Variants in GPC1 observed in about 807,000 individuals in gnomAD.
GPC1 encodes glypican-1.
A neutral mutation model predicts 51.5 loss-of-function variants in GPC1; 26 were observed. The observed-to-expected ratio is 0.50, with a 90% confidence interval of 0.37 to 0.70. The LOEUF (loss-of-function observed/expected upper bound fraction) is 0.70, where lower values mean the gene tolerates loss of function less well. Ranked by LOEUF, GPC1 falls within the 30% of genes least tolerant of loss-of-function variation. GPC1 has a pLI of 0.00. For synonymous variants in GPC1, 380 were observed against 348.3 expected, an observed-to-expected ratio of 1.09 and a Z score of -1.01; for missense variants, 775 against 800.5, an observed-to-expected ratio of 0.97 and a Z score of 0.38.
intron 1 of GPC1, chr2:240,451,569 T>G: frequency 3.6e-6 from 1 of 274,798 alleles, no homozygotes; most frequent in Non-Finnish European, 7.1e-6. Flanking sequence ...GAGCCAGGCC[T>G]GGGGGCACGG....
chr2:240,453,837 C>T (rs1260512235), intron 1 of GPC1, among the ~76,000 whole-genome samples: 2 of 151,948 alleles, frequency 1.3e-5, no homozygotes, highest in African/African-American at 2.4e-5. Flanking sequence ...ACGCTGCCGC[C>T]GGTGCCGCCG....
At chr2:240,436,184 T>G in intron 1 of GPC1, 100 bp downstream of exon 1, 1 of 806,698 alleles carries the variant, frequency 1.2e-6, no homozygotes, top group Non-Finnish European at 1.7e-6. Context: ...CGCGGGATCC[T>G]GCCGCCTGCG....
rs4553824 is a variant in GPC1, at chr2:240,438,243, A to T, written c.166+2159A>T. Among the ~76,000 whole-genome samples the T allele has an allele frequency of 2.0e-5, 3 of 151,986 alleles. No homozygotes were observed. In the East Asian group the frequency reaches 5.8e-4, roughly 29 times the overall value. The stretch of plus-strand genomic sequence containing the variant: ...TCCAGTCGGTGCCCCTCCGACAGGA[A>T]CCTCTCTCCCTGCACCCCCTATGGC... On this transcript the variant is annotated intron_variant, in intron 1 of 8. Transcript: ENST00000264039.
chr2:240,440,580 C>A (rs1357898221), intron 1 of GPC1, among the ~76,000 whole-genome samples: 5 of 147,990 alleles, frequency 3.4e-5, no homozygotes, highest in African/African-American at 1.2e-4. Flanking sequence ...CTCCTCCTGG[C>A]CTCCCTGCCT....
intron 1 of GPC1, among the ~76,000 whole-genome samples, chr2:240,445,573 C>A (rs1179371640): frequency 6.6e-6 from 1 of 152,138 alleles, no homozygotes; most frequent in Admixed American, 6.5e-5. Context: ...ACTGTGGTGG[C>A]CAAACACCAG....
rs2074235465 is a variant in GPC1, at chr2:240,463,564, CTG to C, written c.883+53_883+54del. 7 of 1,482,896 alleles carry C rather than the reference CTG, an allele frequency of 4.7e-6. No individual in the cohort carries two copies. The African/African-American group carries it at 8.3e-5, about 18-fold the overall frequency. 91.9% of individuals were successfully genotyped at this position (1,482,896 alleles called of 1,614,324 possible). On this transcript the variant is annotated intron_variant, in intron 4 of 8. Transcript: ENST00000264039. ...TGGAACTGTCTTGGGGAGTGCACGA[CTG>C]GGGGTCCTGGGGGGCGGGTGGTCCC...
intron 1 of GPC1, among the ~76,000 whole-genome samples, chr2:240,437,863 C>T (rs1274510889): frequency 6.6e-6 from 1 of 152,220 alleles, no homozygotes; most frequent in Non-Finnish European, 1.5e-5. Flanking sequence ...CATCCACAGG[C>T]CACTGTTGCC....
At chr2:240,437,776 A>G (rs1440336419) in intron 1 of GPC1, among the ~76,000 whole-genome samples, 1 of 152,004 alleles carries the variant, frequency 6.6e-6, no homozygotes, top group Non-Finnish European at 1.5e-5. Context: ...TTTGGAAACC[A>G]TTAGCCCCCA....
intron 1 of GPC1, among the ~76,000 whole-genome samples, chr2:240,446,463 CA>C (rs2074051440): frequency 6.6e-6 from 1 of 152,204 alleles, no homozygotes; most frequent in Non-Finnish European, 1.5e-5. Flanking sequence ...GTGTGAGTTA[CA>C]AGTAAAGGGG....
Position 240,459,249 on chromosome 2 carries a change from CA to C in GPC1, c.325+62del. 3 of 1,487,000 alleles carry C rather than the reference CA, an allele frequency of 2.0e-6. No individual in the cohort carries two copies. In the South Asian group the frequency reaches 3.6e-5, roughly 18 times the overall value. 92.1% of individuals were successfully genotyped at this position (1,487,000 alleles called of 1,614,324 possible). A position where few individuals can be genotyped will look rare whatever the true frequency, so the allele number is the denominator to read the frequency against. ...GTGCCGGTGCATCGGGGGAGGGGCA[CA>C]CTGGGCCTTGCCTGGTGTGTCAATG... On this transcript the variant is annotated intron_variant, in intron 2 of 8. Transcript: ENST00000264039.
chr2:240,458,107 A>G (rs2074185185), intron 1 of GPC1: 1 of 467,650 alleles, frequency 2.1e-6, no homozygotes, highest in Admixed American at 2.4e-5. Context: ...CTGGGACGAG[A>G]CCTCATCCCT....
intron 1 of GPC1, among the ~76,000 whole-genome samples, chr2:240,440,272 C>A (rs1232682759): frequency 1.3e-5 from 2 of 152,238 alleles, no homozygotes; most frequent in East Asian, 3.9e-4. Context: ...GCTTGTGGAG[C>A]GTTTCCCATG....
rs749670286 is a variant in GPC1 at position 240,436,083 on chromosome 2, G to C, written c.165G>C (p.Ser55=). The C allele has an allele frequency of 1.7e-5, 22 of 1,290,558 alleles. No individual in the cohort carries two copies. The highest frequency in any genetic ancestry group is 2.2e-5 in the Non-Finnish European group (22 of 1,018,470). The allele number at this position is 1,290,558 out of a possible 1,614,324, so 79.9% of individuals were successfully genotyped here. Residue 55 remains serine, a splice_region_variant and synonymous_variant, in exon 1 of 9, where the codon TCG becomes TCC. Transcript: ENST00000264039. ...SLSDVPQAEI[S]GEHLRICPQG... ...GCGACGTGCCCCAGGCGGAGATCTC[G>C]GGTGAGTGAGGGCGCGGCGCCGGGA...
intron 4 of GPC1, chr2:240,464,260 CAT>C (rs2074241131): frequency 6.2e-6 from 2 of 324,742 alleles, no homozygotes; most frequent in Admixed American, 8.1e-5. Flanking sequence ...CACACGGGCT[CAT>C]GTGCACACAA....
chr2:240,456,271 G>GGGAGCTCCCATATCTTAC (rs2074162447), intron 1 of GPC1, among the ~76,000 whole-genome samples: 1 of 152,078 alleles, frequency 6.6e-6, no homozygotes, highest in Non-Finnish European at 1.5e-5. Flanking sequence ...CGGGTGTTTC[G>GGGAGCTCCCATATCTTAC]GGCCTCACCT....
chr2:240,437,125 G>C (rs1394026609), intron 1 of GPC1, among the ~76,000 whole-genome samples: 1 of 152,248 alleles, frequency 6.6e-6, no homozygotes, highest in Non-Finnish European at 1.5e-5. Flanking sequence ...GAAACCAGGG[G>C]AGTGGGAGTG....
intron 1 of GPC1, among the ~76,000 whole-genome samples, chr2:240,436,337 C>G (rs900550013): frequency 3.9e-5 from 6 of 152,126 alleles, no homozygotes; most frequent in African/African-American, 1.4e-4. Flanking sequence ...CCCCGCCCCC[C>G]GCACGCCGGC....
intron 1 of GPC1, chr2:240,458,244 G>C (rs551672750): frequency 2.8e-6 from 1 of 357,234 alleles, no homozygotes; most frequent in Non-Finnish European, 6.0e-6. Context: ...GCCCTGAGGT[G>C]TGCACAGCAG....
At position 240,440,803 on chromosome 2, in the gene GPC1, G is replaced by A. The variant is rs561012475; in HGVS notation, c.166+4719G>A. ...AGCTCCTCCTGGCCTCCCTGCCTCC[G>A]GTCTTGCCCAGCTCCTCCTGGCCGT... On this transcript the variant is annotated intron_variant, in intron 1 of 8. Coordinates refer to ENST00000264039, the MANE Select transcript of GPC1 (RefSeq NM_002081.3). Among the ~76,000 whole-genome samples, 21 of 152,078 alleles carry A rather than the reference G, an allele frequency of 1.4e-4. 1 individual carries two copies. Among genetic ancestry groups the A allele is most frequent in the Middle Eastern group, 3.4e-3 (1 of 294 alleles).
Sources: gnomAD v4.1 joint callset for allele counts (sites outside exome capture counted in the v4.1 genomes callset) on GRCh38, gnomAD v4.1.1 for gene constraint, MANE v1.5 for transcripts, NCBI Gene and HGNC (gene_info 2026-07-23, HGNC 2026-07-21) for gene names.